The following MAF variants were observed in gnomAD, a reference collection of about 807,000 sequenced individuals.
MAF encodes transcription factor Maf.
In MAF, 10 loss-of-function variants were observed where a neutral mutation model predicts 22.0. The observed-to-expected ratio is 0.45, with a 90% CI of 0.28 to 0.77. The LOEUF is 0.77. MAF is among the 30% of genes least tolerant of loss of function. The probability of loss-of-function intolerance (pLI) is 0.12; values close to 1 mark genes in which losing one functional copy is unlikely to be tolerated. For missense variants in MAF, 544 were observed against 548.4 expected (o/e 0.99, Z 0.08); for synonymous variants, 337 against 255.8 (o/e 1.32, Z -3.03).
chr16:79,582,630 G>A (rs1912590942), downstream of MAF, among the ~76,000 whole-genome samples: 1 of 152,160 alleles, frequency 6.6e-6, no homozygotes, highest in Non-Finnish European at 1.5e-5. Context: ...TAGTTAGGGA[G>A]GAGTATAATC....
chr16:79,512,748 T>C, the MAF span, among the ~76,000 whole-genome samples: 30 of 152,200 alleles, frequency 2.0e-4, no homozygotes, highest in African/African-American at 7.2e-4. Flanking sequence ...TCAGGTTTTG[T>C]GGCAGGAAAA....
the MAF span, among the ~76,000 whole-genome samples, chr16:79,529,968 A>AC: frequency 6.6e-6 from 1 of 152,232 alleles, no homozygotes; most frequent in African/African-American, 2.4e-5. Context: ...TCTCAAAAAA[A>AC]AAAAAAATGT....
the MAF span, among the ~76,000 whole-genome samples, chr16:79,412,633 G>T: frequency 6.6e-6 from 1 of 152,300 alleles, no homozygotes; most frequent in East Asian, 1.9e-4. Context: ...CAGTTGAGGA[G>T]CACTGCTTCA....
the MAF span, among the ~76,000 whole-genome samples, chr16:79,413,080 C>G: frequency 6.6e-6 from 1 of 152,104 alleles, no homozygotes; most frequent in Non-Finnish European, 1.5e-5. Context: ...GCCTCTCTCT[C>G]TCCTTTTCTT....
chr16:79,322,176 T>C, the MAF span, among the ~76,000 whole-genome samples: 1 of 152,138 alleles, frequency 6.6e-6, no homozygotes, highest in African/African-American at 2.4e-5. Flanking sequence ...GAGGTTGCAT[T>C]GAGCCAAGAT....
the MAF span, among the ~76,000 whole-genome samples, chr16:79,230,038 A>C: frequency 6.6e-6 from 1 of 152,024 alleles, no homozygotes; most frequent in Non-Finnish European, 1.5e-5. Flanking sequence ...TGAATCCTTC[A>C]TTCTTAAGAG....
the MAF span, among the ~76,000 whole-genome samples, chr16:79,313,133 C>T: frequency 1.3e-5 from 2 of 152,130 alleles, no homozygotes; most frequent in Non-Finnish European, 2.9e-5. Flanking sequence ...CACAAGCGTG[C>T]CACGAAGATC....
the MAF span, among the ~76,000 whole-genome samples, chr16:79,348,222 T>G: frequency 3.3e-5 from 5 of 152,208 alleles, no homozygotes; most frequent in Non-Finnish European, 7.3e-5. Flanking sequence ...CTTTATTACT[T>G]TGGAGAGCCT....
chr16:79,344,828 A>G, the MAF span, among the ~76,000 whole-genome samples: 2 of 152,228 alleles, frequency 1.3e-5, no homozygotes, highest in Non-Finnish European at 2.9e-5. Flanking sequence ...AATCATTGTC[A>G]AGAACATAAG....
intron 1 of MAF, chr16:79,595,130 A>G: frequency 9.6e-7 from 1 of 1,040,234 alleles, no homozygotes; most frequent in Non-Finnish European, 1.2e-6. Flanking sequence ...TGAGGAAAAA[A>G]AAAAAAAAAG....
the MAF span, among the ~76,000 whole-genome samples, chr16:79,371,336 T>C: frequency 6.6e-6 from 1 of 152,164 alleles, no homozygotes; most frequent in African/African-American, 2.4e-5. Context: ...CTCTGCCATA[T>C]TGTACTAGTC....
At chr16:79,208,282 A>T in the MAF span, among the ~76,000 whole-genome samples, 62 of 152,122 alleles carry the variant, frequency 4.1e-4, no homozygotes, top group Middle Eastern at 0.01. Context: ...GTCGTCAACA[A>T]CCTAACTCAT....
the MAF span, among the ~76,000 whole-genome samples, chr16:79,373,431 G>A: frequency 1.6e-5 from 2 of 121,818 alleles, no homozygotes; most frequent in African/African-American, 3.0e-5. Context: ...CTCCCAGGCT[G>A]GAGTGCAATG....
chr16:79,218,861 T>C, the MAF span, among the ~76,000 whole-genome samples: 1 of 152,120 alleles, frequency 6.6e-6, no homozygotes, highest in African/African-American at 2.4e-5. Context: ...TCCTTTTCAA[T>C]CTCCAGTTGT....
the MAF span, among the ~76,000 whole-genome samples, chr16:79,574,623 G>C: frequency 1.3e-5 from 2 of 152,244 alleles, no homozygotes; most frequent in East Asian, 1.9e-4. Flanking sequence ...CAAAAGAGAA[G>C]AGTGAGACTC....
chr16:79,533,298 C>G, the MAF span, among the ~76,000 whole-genome samples: 1 of 152,164 alleles, frequency 6.6e-6, no homozygotes, highest in African/African-American at 2.4e-5. Context: ...TATCACTTTT[C>G]CAGATCCAAG....
the MAF span, among the ~76,000 whole-genome samples, chr16:79,402,692 C>G: frequency 6.6e-6 from 1 of 152,208 alleles, no homozygotes; most frequent in Non-Finnish European, 1.5e-5. Flanking sequence ...AACTGCTTGG[C>G]AGGGCAGGTT....
At chr16:79,376,986 G>A in the MAF span, among the ~76,000 whole-genome samples, 2 of 152,142 alleles carry the variant, frequency 1.3e-5, no homozygotes, top group East Asian at 1.9e-4. Context: ...ATAAACATAC[G>A]TGTGCATGTG....
the MAF span, among the ~76,000 whole-genome samples, chr16:79,515,471 T>G: frequency 1.6e-4 from 25 of 152,328 alleles, no homozygotes; most frequent in African/African-American, 5.3e-4. Context: ...CAAAACAGAC[T>G]TTGCGTTTGA....
Sources: allele counts gnomAD v4.1 joint callset (sites outside exome capture counted in the v4.1 genomes callset), GRCh38; gene constraint gnomAD v4.1.1; transcripts MANE v1.5; gene names NCBI Gene and HGNC (gene_info 2026-07-23, HGNC 2026-07-21).